The following AMOTL1 variants were observed in gnomAD, a reference collection of about 807,000 sequenced individuals.
The protein encoded by AMOTL1 is angiomotin like 1.
In AMOTL1, 45 loss-of-function variants were observed where a neutral mutation model predicts 102.9. The ratio of observed to expected loss-of-function variants is 0.44; its 90% CI spans 0.34 to 0.56. The LOEUF is 0.56. Among genes scored for constraint, AMOTL1 ranks in the 20% least tolerant of loss-of-function variants. The pLI is 0.01. For missense variants in AMOTL1, 1,114 were observed against 1,225.6 expected (o/e 0.91, Z 1.36); for synonymous variants, 481 against 484.7 (o/e 0.99, Z 0.10).
chr11:94,721,966 G>A (rs564390240), intron 1 of AMOTL1, among the ~76,000 whole-genome samples: 99 of 152,196 alleles, frequency 6.5e-4, no homozygotes, highest in African/African-American at 2.4e-3. Flanking sequence ...TCAGAGAGCT[G>A]TGGCCATTTA....
At chr11:94,812,888 T>C (rs1304086018) in intron 3 of AMOTL1, among the ~76,000 whole-genome samples, 1 of 152,104 alleles carries the variant, frequency 6.6e-6, no homozygotes, top group African/African-American at 2.4e-5. Flanking sequence ...GCTTAGATAC[T>C]AAGCATTAGC....
chr11:94,717,663 A>T (rs1950116685), intron 1 of AMOTL1, among the ~76,000 whole-genome samples: 1 of 151,996 alleles, frequency 6.6e-6, no homozygotes, highest in South Asian at 2.1e-4. Context: ...CATGGCTCCA[A>T]ACTCAGATGC....
intron 4 of AMOTL1, among the ~76,000 whole-genome samples, chr11:94,828,691 A>G (rs2135653895): frequency 6.6e-6 from 1 of 152,314 alleles, no homozygotes; most frequent in South Asian, 2.1e-4. Flanking sequence ...ATGTAAGCAA[A>G]CAATGAATAT....
chr11:94,819,034 C>G (rs1447352547), intron 3 of AMOTL1, among the ~76,000 whole-genome samples: 4 of 152,068 alleles, frequency 2.6e-5, no homozygotes. Flanking sequence ...ATTTTCTCTT[C>G]ATAGGATATG....
At chr11:94,786,288 C>T (rs932668903) in intron 1 of AMOTL1, among the ~76,000 whole-genome samples, 1 of 152,178 alleles carries the variant, frequency 6.6e-6, no homozygotes, top group Non-Finnish European at 1.5e-5. Context: ...GTAGAGAAAG[C>T]CTTTTTATTA....
intron 6 of AMOTL1, among the ~76,000 whole-genome samples, chr11:94,839,727 T>C (rs949706329): frequency 6.6e-6 from 1 of 152,218 alleles, no homozygotes; most frequent in African/African-American, 2.4e-5. Context: ...TATTTTTTGC[T>C]TCCCCTTTTC....
At chr11:94,797,162 T>C (rs1951384188) in intron 2 of AMOTL1, 1 of 334,766 alleles carries the variant, frequency 3.0e-6, no homozygotes, top group Non-Finnish European at 4.2e-6. Context: ...AGAGCCATCA[T>C]TACATGAATC....
intron 3 of AMOTL1, among the ~76,000 whole-genome samples, chr11:94,811,547 T>G (rs1951683035): frequency 1.4e-5 from 2 of 148,104 alleles, no homozygotes; most frequent in African/African-American, 2.7e-5. Context: ...CATTTTCCTT[T>G]TCCCATTTTT....
At chr11:94,789,175 T>A (rs1291459618) in intron 1 of AMOTL1, among the ~76,000 whole-genome samples, 1 of 152,208 alleles carries the variant, frequency 6.6e-6, no homozygotes, top group Non-Finnish European at 1.5e-5. Flanking sequence ...TTTTTATTTT[T>A]TGAGACAGAG....
intron 2 of AMOTL1, among the ~76,000 whole-genome samples, chr11:94,729,251 G>A (rs921536651): frequency 6.6e-6 from 1 of 152,156 alleles, no homozygotes; most frequent in South Asian, 2.1e-4. Context: ...CAAGTTTTAT[G>A]GCCTTGAGAA....
At chr11:94,742,469 A>G (rs971357833) in intron 3 of AMOTL1, among the ~76,000 whole-genome samples, 1 of 152,242 alleles carries the variant, frequency 6.6e-6, no homozygotes, top group Non-Finnish European at 1.5e-5. Context: ...TTGCCTTCAC[A>G]GAATGATTTG....
intron 7 of AMOTL1, 135 bp from the exon 8 acceptor site, chr11:94,853,798 G>A: frequency 2.2e-6 from 2 of 906,672 alleles, no homozygotes. Flanking sequence ...TTGAAGGATA[G>A]GAGTAGGGCG....
chr11:94,740,961 C>G (rs1950515360), exon 3 of AMOTL1: 1 of 1,288,960 alleles, frequency 7.8e-7, no homozygotes, highest in African/African-American at 1.5e-5. Flanking sequence ...GGAAGCCTCG[C>G]CCGCATCCTA....
chr11:94,771,513 TG>T (rs915755850), intron 1 of AMOTL1, among the ~76,000 whole-genome samples: 2 of 152,114 alleles, frequency 1.3e-5, no homozygotes, highest in East Asian at 1.9e-4. Flanking sequence ...TGTTTTGTTT[TG>T]TTTTTTTGTT....
intron 2 of AMOTL1, chr11:94,796,930 T>C: frequency 1.1e-6 from 1 of 919,560 alleles, no homozygotes; most frequent in South Asian, 5.1e-5. Context: ...TATAAGCATA[T>C]CACACCACCT....
chr11:94,719,902 G>C (rs191782942), intron 1 of AMOTL1, among the ~76,000 whole-genome samples: 1 of 152,042 alleles, frequency 6.6e-6, no homozygotes, highest in South Asian at 2.1e-4. Context: ...AAGAAATACG[G>C]GCACCCAAGG....
intron 1 of AMOTL1, among the ~76,000 whole-genome samples, chr11:94,772,535 T>A (rs979028704): frequency 6.6e-6 from 1 of 152,202 alleles, no homozygotes; most frequent in Non-Finnish European, 1.5e-5. Flanking sequence ...CCATCCAAAT[T>A]TTTGCATCTC....
intron 1 of AMOTL1, among the ~76,000 whole-genome samples, chr11:94,727,797 A>G (rs1315829275): frequency 2.0e-5 from 3 of 152,212 alleles, no homozygotes; most frequent in Middle Eastern, 3.2e-3. Flanking sequence ...TTGCTAGAGA[A>G]GCAGTACCCA....
intron 1 of AMOTL1, among the ~76,000 whole-genome samples, chr11:94,728,602 T>C (rs939426100): frequency 6.6e-6 from 1 of 152,148 alleles, no homozygotes. Context: ...TTAAATAAAA[T>C]TGAGATCCCA....
Sources: allele counts gnomAD v4.1 joint callset (sites outside exome capture counted in the v4.1 genomes callset), GRCh38; gene constraint gnomAD v4.1.1; transcripts MANE v1.5; gene names NCBI Gene and HGNC (gene_info 2026-07-23, HGNC 2026-07-21).